The following DKK2 variants were observed in gnomAD, a reference collection of about 807,000 sequenced individuals.
DKK2 encodes dickkopf Wnt signaling pathway inhibitor 2, also known as dickkopf-related protein 2.
DKK2 carries 11 observed loss-of-function variants against 28.1 expected under a neutral mutation model. That is an observed-to-expected ratio of 0.39 (90% CI 0.25 to 0.65). DKK2 has a LOEUF of 0.65. Ranked by LOEUF, DKK2 falls within the 30% of genes least tolerant of loss-of-function variation. The probability of loss-of-function intolerance (pLI) is 0.47; values close to 1 mark genes in which losing one functional copy is unlikely to be tolerated. For synonymous variants in DKK2, 135 were observed against 126.5 expected (o/e 1.07, Z -0.45); for missense variants, 326 against 335.5 (o/e 0.97, Z 0.22).
chr4:106,962,670 G>T (rs1354088228), intron 1 of DKK2, among the ~76,000 whole-genome samples: 1 of 151,870 alleles, frequency 6.6e-6, no homozygotes, highest in African/African-American at 2.4e-5. Context: ...GAAAACATTG[G>T]GGAAACACTC....
At chr4:106,926,765 A>G (rs762231884) in intron 1 of DKK2, among the ~76,000 whole-genome samples, 5 of 152,162 alleles carry the variant, frequency 3.3e-5, no homozygotes, top group African/African-American at 7.2e-5. Context: ...GCAGTGTCAT[A>G]TATTATCTTA....
At chr4:106,974,731 A>G (rs965124910) in intron 1 of DKK2, among the ~76,000 whole-genome samples, 2 of 152,160 alleles carry the variant, frequency 1.3e-5, no homozygotes, top group South Asian at 2.1e-4. Flanking sequence ...AATACGTTTT[A>G]TTTCTTTCTC....
Position 107,004,565 on chromosome 4 carries a change from T to C in DKK2, c.222+30805A>G, listed in dbSNP as rs535559620. ...GCCTCACTATGCAATTCTATAATTC[T>C]ACATATTATAGAAGACATGGCAAAC... On this transcript the variant is annotated intron_variant, in intron 1 of 3. Coordinates refer to ENST00000285311, the MANE Select transcript of DKK2 (RefSeq NM_014421.3). Among the ~76,000 whole-genome samples, 9 of 152,284 alleles carry C rather than the reference T, an allele frequency of 5.9e-5. No homozygotes were observed. In the South Asian group the frequency reaches 1.5e-3, roughly 25 times the overall value.
At chr4:106,942,242 A>T (rs532311406) in intron 1 of DKK2, among the ~76,000 whole-genome samples, 188 of 152,238 alleles carry the variant, frequency 1.2e-3, no homozygotes, top group African/African-American at 4.1e-3. Context: ...CATACTGAAG[A>T]TGTTGGTCCC....
At chr4:106,992,776 A>G (rs1723222488) in intron 1 of DKK2, among the ~76,000 whole-genome samples, 1 of 152,196 alleles carries the variant, frequency 6.6e-6, no homozygotes, top group East Asian at 1.9e-4. Flanking sequence ...AGATTTCTCT[A>G]TTTAAATATG....
At chr4:106,961,510 A>C (rs950195961) in intron 1 of DKK2, among the ~76,000 whole-genome samples, 4 of 151,890 alleles carry the variant, frequency 2.6e-5, no homozygotes, top group African/African-American at 9.7e-5. Context: ...AAATTTTAAA[A>C]TGTTTGACCT....
chr4:106,983,037 T>A (rs944165184), intron 1 of DKK2, among the ~76,000 whole-genome samples: 290 of 103,508 alleles, frequency 2.8e-3, no homozygotes, highest in South Asian at 5.9e-3. Flanking sequence ...AGAAGAAAGA[T>A]GAAAGAAAGA....
At chr4:106,944,715 A>G (rs1466112842) in intron 1 of DKK2, among the ~76,000 whole-genome samples, 1 of 152,094 alleles carries the variant, frequency 6.6e-6, no homozygotes, top group African/African-American at 2.4e-5. Context: ...GTCACTGTGC[A>G]TTTGAAAATG....
intron 1 of DKK2, among the ~76,000 whole-genome samples, chr4:106,990,405 T>C (rs1723186802): frequency 6.6e-6 from 1 of 152,176 alleles, no homozygotes; most frequent in Non-Finnish European, 1.5e-5. Context: ...ACCTCAAGTG[T>C]TAGCTGTATG....
intron 1 of DKK2, among the ~76,000 whole-genome samples, chr4:107,028,549 T>G (rs891921914): frequency 2.6e-5 from 4 of 152,184 alleles, no homozygotes; most frequent in Admixed American, 6.5e-5. Context: ...TATCCCTATT[T>G]TATGGGTATA....
Position 107,034,171 on chromosome 4 carries a change from G to A in DKK2, c.222+1199C>T, listed in dbSNP as rs543511077. On this transcript the variant is annotated intron_variant, in intron 1 of 3. Coordinates refer to ENST00000285311, the MANE Select transcript of DKK2 (RefSeq NM_014421.3). Reference sequence around the variant, plus strand: ...CTCTCTGTCCATCCCAGAATGGCTCGGCCCTCTCAACCAACCTTCAGCCGG... The same window carrying A: ...CTCTCTGTCCATCCCAGAATGGCTCAGCCCTCTCAACCAACCTTCAGCCGG... Among the ~76,000 whole-genome samples the A allele has an allele frequency of 5.6e-3, 850 of 152,132 alleles. 5 individuals carry two copies. Among genetic ancestry groups the A allele is most frequent in the Non-Finnish European group, 6.9e-3 (472 of 68,022 alleles).
chr4:106,980,601 AC>A (rs1482663646), intron 1 of DKK2, among the ~76,000 whole-genome samples: 1 of 152,176 alleles, frequency 6.6e-6, no homozygotes, highest in Non-Finnish European at 1.5e-5. Flanking sequence ...TGTAAGTAAT[AC>A]AATTTTTCTA....
intron 1 of DKK2, among the ~76,000 whole-genome samples, chr4:107,015,695 A>G (rs1388404142): frequency 1.3e-5 from 2 of 151,782 alleles, no homozygotes; most frequent in East Asian, 1.9e-4. Flanking sequence ...TTTTCCCTCA[A>G]TGATCTGTGT....
At chr4:106,989,124 C>T (rs768191412) in intron 1 of DKK2, among the ~76,000 whole-genome samples, 3 of 152,100 alleles carry the variant, frequency 2.0e-5, no homozygotes, top group Non-Finnish European at 2.9e-5. Context: ...GTGGTTACTC[C>T]TGGGGTCAAG....
intron 1 of DKK2, among the ~76,000 whole-genome samples, chr4:107,004,216 T>C (rs1390447134): frequency 6.6e-6 from 1 of 152,216 alleles, no homozygotes; most frequent in Non-Finnish European, 1.5e-5. Flanking sequence ...GTGCTTCTCA[T>C]GCTGTGGGCA....
intron 1 of DKK2, among the ~76,000 whole-genome samples, chr4:107,026,223 G>A (rs1422713895): frequency 6.6e-6 from 1 of 152,170 alleles, no homozygotes; most frequent in African/African-American, 2.4e-5. Flanking sequence ...TAATATTTAA[G>A]CACATTTGAA....
chr4:106,988,112 C>T (rs913200290), intron 1 of DKK2, among the ~76,000 whole-genome samples: 3 of 152,164 alleles, frequency 2.0e-5, no homozygotes, highest in Non-Finnish European at 4.4e-5. Flanking sequence ...GATCTGCCCA[C>T]CTTGGCCTCC....
At chr4:106,938,415 C>T (rs1724634795) in intron 1 of DKK2, among the ~76,000 whole-genome samples, 1 of 152,092 alleles carries the variant, frequency 6.6e-6, no homozygotes, top group East Asian at 1.9e-4. Context: ...CAAGACTAAA[C>T]CAGGAAGAAG....
chr4:106,951,743 G>A (rs1029443744), intron 1 of DKK2, among the ~76,000 whole-genome samples: 1 of 152,058 alleles, frequency 6.6e-6, no homozygotes, highest in African/African-American at 2.4e-5. Context: ...TTTTTTTAAA[G>A]CAAGTATGCA....
Sources: allele counts gnomAD v4.1 joint callset (sites outside exome capture counted in the v4.1 genomes callset), GRCh38; gene constraint gnomAD v4.1.1; transcripts MANE v1.5; gene names NCBI Gene and HGNC (gene_info 2026-07-23, HGNC 2026-07-21).